LIFR: variants seen among roughly 807,000 people sequenced by gnomAD.
LIFR encodes the protein LIF receptor subunit alpha.
A neutral mutation model predicts 122.2 loss-of-function variants in LIFR; 84 were observed. The ratio of observed to expected loss-of-function variants is 0.69; its 90% CI spans 0.58 to 0.82. LIFR has a LOEUF of 0.82. Among genes scored for constraint, LIFR ranks in the 40% least tolerant of loss-of-function variants. The pLI is 0.00. For missense variants in LIFR, 1,294 were observed against 1,311.6 expected (o/e 0.99, Z 0.21); for synonymous variants, 422 against 434.7 (o/e 0.97, Z 0.36).
Position 38,573,943 on chromosome 5 carries a change from C to A in LIFR, c.-20+21318G>T, listed in dbSNP as rs576378607. Among the ~76,000 whole-genome samples the A allele has an allele frequency of 2.0e-5, 3 of 152,094 alleles. No individual in the cohort carries two copies. The South Asian group carries it at 6.2e-4, about 32-fold the overall frequency. ...CAGCCTGGCCAACATGGTGAAACCCCGTCTCTACTAAAAATACAAAAATTA... is the reference window on the plus strand; with the variant it reads ...CAGCCTGGCCAACATGGTGAAACCCAGTCTCTACTAAAAATACAAAAATTA... On this transcript the variant is annotated intron_variant, in intron 1 of 19. Transcript: ENST00000263409.
chr5:38,571,675 A>G (rs1033281918), intron 1 of LIFR, among the ~76,000 whole-genome samples: 2 of 152,216 alleles, frequency 1.3e-5, no homozygotes, highest in African/African-American at 4.8e-5. Flanking sequence ...ATAATGCAAT[A>G]TTAATGCAGG....
chr5:38,502,583 TA>T, intron 11 of LIFR, 53 bp downstream of exon 11: 1 of 1,465,484 alleles, frequency 6.8e-7, no homozygotes, highest in Non-Finnish European at 9.5e-7. Context: ...AAAGAAGTTG[TA>T]AAACTTCAGA....
intron 5 of LIFR, among the ~76,000 whole-genome samples, chr5:38,518,676 G>A (rs774347682): frequency 6.6e-6 from 1 of 152,204 alleles, no homozygotes; most frequent in Non-Finnish European, 1.5e-5. Context: ...TGTTACTGGT[G>A]TATGTATTTA....
At chr5:38,598,248 T>TA (rs1750155486), upstream of LIFR, among the ~76,000 whole-genome samples, 2 of 66,192 alleles carry the variant, frequency 3.0e-5, no homozygotes, top group Middle Eastern at 5.6e-3. Flanking sequence ...TTTATTTATT[T>TA]TTTTTTTTTT....
Position 38,476,239 on chromosome 5 carries a change from T to A in LIFR, c.*5356A>T. The A allele has an allele frequency of 4.8e-6, 1 of 207,540 alleles. No homozygotes were observed. Among genetic ancestry groups the A allele is most frequent in the Non-Finnish European group, 9.8e-6 (1 of 101,820 alleles). 12.9% of individuals were successfully genotyped at this position (207,540 alleles called of 1,614,324 possible). On this transcript the variant is annotated 3_prime_UTR_variant, in exon 20 of 20. Transcript: ENST00000453190. Reference sequence around the variant, plus strand: ...ATTCAGTGTTCTTTTCTATGAGCAATTGCAAAAACACTAATACTAATGTTA... The same window carrying A: ...ATTCAGTGTTCTTTTCTATGAGCAAATGCAAAAACACTAATACTAATGTTA...
At position 38,482,108 on chromosome 5, in the gene LIFR, G is replaced by A; in HGVS notation, c.2781C>T (p.Ser927=). The A allele has an allele frequency of 6.3e-7, 1 of 1,588,078 alleles. No individual in the cohort carries two copies. The highest frequency in any genetic ancestry group is 8.5e-7 in the Non-Finnish European group (1 of 1,170,088). Residue 927 remains serine (S), a synonymous_variant, in exon 20 of 20, where the codon TCC becomes TCT. Transcript: ENST00000453190. The part of the protein sequence containing the change: ...FPKIEDTEII[S]PVAERPEDRS... ...GATCTTCAGGACGCTCAGCTACTGGGGAAATTATTTCTGTATCTTCTATTT... is the reference window on the plus strand; with the variant it reads ...GATCTTCAGGACGCTCAGCTACTGGAGAAATTATTTCTGTATCTTCTATTT...
intron 1 of LIFR, among the ~76,000 whole-genome samples, chr5:38,576,941 A>G (rs182638099): frequency 1.3e-5 from 2 of 152,316 alleles, no homozygotes; most frequent in African/African-American, 2.4e-5. Flanking sequence ...GTGCTCACAT[A>G]AGCAAAACCA....
At chr5:38,540,485 C>CTT (rs2112607811) in intron 1 of LIFR, among the ~76,000 whole-genome samples, 1 of 152,288 alleles carries the variant, frequency 6.6e-6, no homozygotes, top group South Asian at 2.1e-4. Context: ...CCTTCCAACT[C>CTT]TAAGTACACT....
At chr5:38,506,690 TA>T (rs1336940489) in intron 7 of LIFR, 58 bp from the exon 8 acceptor site, 4 of 1,430,790 alleles carry the variant, frequency 2.8e-6, no homozygotes, top group Non-Finnish European at 3.9e-6. Flanking sequence ...GAAAACATAA[TA>T]TTTTATAAAC....
chr5:38,501,445 A>T (rs770376935), intron 11 of LIFR, among the ~76,000 whole-genome samples: 4 of 152,232 alleles, frequency 2.6e-5, no homozygotes, highest in Non-Finnish European at 5.9e-5. Flanking sequence ...CTTTTGTTAA[A>T]TGATTCCTAA....
At chr5:38,511,365 C>A (rs542741831) in intron 6 of LIFR, among the ~76,000 whole-genome samples, 10 of 152,282 alleles carry the variant, frequency 6.6e-5, no homozygotes, top group Middle Eastern at 3.4e-3. Flanking sequence ...ATGAGTTTTA[C>A]TTAATGTACG....
At position 38,482,130 on chromosome 5, in the gene LIFR, A is replaced by G. The variant is rs1372457471; in HGVS notation, c.2759T>C (p.Ile920Thr). The G allele has an allele frequency of 1.1e-5, 18 of 1,584,780 alleles. No individual in the cohort carries two copies. Among genetic ancestry groups the G allele is most frequent in the Non-Finnish European group, 1.5e-5 (17 of 1,170,136 alleles). The change falls in exon 20 of 20, where the codon ATA becomes ACA. Residue 920 changes from isoleucine (I) to threonine (T), a missense_variant. Coordinates refer to ENST00000453190, the MANE Select transcript of LIFR (RefSeq NM_001127671.2). The stretch of plus-strand genomic sequence containing the variant: ...TGGGGAAATTATTTCTGTATCTTCT[A>G]TTTTAGGAAATGCTGATCGAGTTTC... ...VLETRSAFPK[I>T]EDTEIISPVA...
At chr5:38,532,567 C>T (rs1747070793) in intron 1 of LIFR, among the ~76,000 whole-genome samples, 1 of 151,706 alleles carries the variant, frequency 6.6e-6, no homozygotes, top group Non-Finnish European at 1.5e-5. Context: ...AAGGCGATGC[C>T]CAGGGACAGA....
chr5:38,553,523 G>C (rs1182554873), intron 1 of LIFR, among the ~76,000 whole-genome samples: 2 of 149,426 alleles, frequency 1.3e-5, no homozygotes, highest in African/African-American at 4.9e-5. Flanking sequence ...ACCTATTTCA[G>C]AAAAAATACA....
intron 1 of LIFR, among the ~76,000 whole-genome samples, chr5:38,593,048 C>T (rs1165505695): frequency 6.6e-6 from 1 of 151,808 alleles, no homozygotes; most frequent in East Asian, 1.9e-4. Flanking sequence ...ACTAAAATTA[C>T]AAAAATTAGC....
At chr5:38,580,277 C>A (rs2112738071) in intron 1 of LIFR, among the ~76,000 whole-genome samples, 1 of 152,256 alleles carries the variant, frequency 6.6e-6, no homozygotes, top group South Asian at 2.1e-4. Flanking sequence ...TTCTCAAAGT[C>A]ACTATGGCTG....
intron 1 of LIFR, among the ~76,000 whole-genome samples, chr5:38,536,918 A>G (rs1029306665): frequency 2.0e-5 from 3 of 152,230 alleles, no homozygotes; most frequent in African/African-American, 7.2e-5. Context: ...ATTCCCCAAA[A>G]TAACTTTTTG....
chr5:38,483,415 GTTTT>G (rs749979726), intron 18 of LIFR, among the ~76,000 whole-genome samples: 96 of 151,340 alleles, frequency 6.3e-4, no homozygotes, highest in Non-Finnish European at 1.0e-3. Context: ...TAATAGTTGG[GTTTT>G]TTTTGTTTTT....
chr5:38,602,512 C>T (rs878898410), intron 2 of LIFR, among the ~76,000 whole-genome samples: 1 of 151,424 alleles, frequency 6.6e-6, no homozygotes, highest in Non-Finnish European at 1.5e-5. Context: ...TTTTTTTCTC[C>T]ATCTCTTCTT....
Sources: allele counts gnomAD v4.1 joint callset (sites outside exome capture counted in the v4.1 genomes callset), GRCh38; gene constraint gnomAD v4.1.1; transcripts MANE v1.5; gene names NCBI Gene and HGNC (gene_info 2026-07-23, HGNC 2026-07-21).